KDM2B: variants seen among roughly 807,000 people sequenced by gnomAD.
KDM2B encodes the protein lysine demethylase 2B.
A neutral mutation model predicts 150.0 loss-of-function variants in KDM2B; 26 were observed. The ratio of observed to expected loss-of-function variants is 0.17; its 90% CI spans 0.13 to 0.24. The LOEUF is 0.24. Among genes scored for constraint, KDM2B ranks in the 10% least tolerant of loss-of-function variants. KDM2B has a pLI of 1.00. For missense variants in KDM2B, 1,265 were observed against 1,816.9 expected, an observed-to-expected ratio of 0.70 and a Z score of 5.52; for synonymous variants, 734 against 729.5, an observed-to-expected ratio of 1.01 and a Z score of -0.10.
chr12:121,543,161 C>T (rs1728369371), intron 6 of KDM2B, among the ~76,000 whole-genome samples: 1 of 151,964 alleles, frequency 6.6e-6, no homozygotes, highest in Non-Finnish European at 1.5e-5. Flanking sequence ...TCAAGACCAA[C>T]TTGGCCAACA....
rs782661846 is a variant in KDM2B at position 121,510,053 on chromosome 12, G to T, written c.1175-14C>A. On this transcript the variant is annotated splice_polypyrimidine_tract_variant and intron_variant, in intron 10 of 22. Transcript: ENST00000377071. ...TCCTCGGGGCATCTGTGGGGGCAGG[G>T]TCACAAGAAAGACCGAGATGACACC... 6.6e-7 allele frequency: 1 copy of T among 1,526,642 alleles called. No individual in the cohort carries two copies. Among genetic ancestry groups the T allele is most frequent in the Admixed American group, 2.1e-5 (1 of 46,866 alleles). 94.6% of individuals were successfully genotyped at this position (1,526,642 alleles called of 1,614,324 possible).
intron 12 of KDM2B, among the ~76,000 whole-genome samples, chr12:121,464,373 C>T (rs782058874): frequency 1.2e-4 from 18 of 152,220 alleles, no homozygotes; most frequent in Admixed American, 3.3e-4. Context: ...GAGAAGTTCC[C>T]GCCAAGGGTG....
intron 12 of KDM2B, among the ~76,000 whole-genome samples, chr12:121,459,949 C>T (rs1878862891): frequency 6.6e-6 from 1 of 151,762 alleles, no homozygotes; most frequent in Non-Finnish European, 1.5e-5. Flanking sequence ...TTAGAATATA[C>T]AAAGAACTCC....
chr12:121,460,532 C>T (rs782789590), intron 12 of KDM2B, among the ~76,000 whole-genome samples: 3 of 152,130 alleles, frequency 2.0e-5, no homozygotes, highest in Non-Finnish European at 2.9e-5. Flanking sequence ...CCTTAGTAGC[C>T]GAGATACAGG....
chr12:121,555,364 T>C (rs1485130381), intron 4 of KDM2B, among the ~76,000 whole-genome samples: 1 of 152,108 alleles, frequency 6.6e-6, no homozygotes, highest in Middle Eastern at 3.2e-3. Context: ...GAATAACTAG[T>C]CTGGGGTAAT....
intron 12 of KDM2B, among the ~76,000 whole-genome samples, chr12:121,472,202 C>A (rs180869162): frequency 4.6e-5 from 7 of 152,314 alleles, no homozygotes; most frequent in African/African-American, 1.4e-4. Context: ...ATTGAGAATG[C>A]GCGCTTCAGT....
At chr12:121,517,434 C>T (rs1437771528) in intron 9 of KDM2B, among the ~76,000 whole-genome samples, 1 of 151,754 alleles carries the variant, frequency 6.6e-6, no homozygotes, top group Non-Finnish European at 1.5e-5. Context: ...AGATAGGGGT[C>T]CCCACCTTGG....
intron 12 of KDM2B, among the ~76,000 whole-genome samples, chr12:121,465,617 T>C (rs1879782258): frequency 6.6e-6 from 1 of 152,132 alleles, no homozygotes; most frequent in African/African-American, 2.4e-5. Flanking sequence ...ACAATAAGTC[T>C]TGCAGTGTCA....
intron 8 of KDM2B, 92 bp downstream of exon 8, chr12:121,532,714 C>T: frequency 7.2e-7 from 1 of 1,384,348 alleles, no homozygotes; most frequent in Non-Finnish European, 1.0e-6. Flanking sequence ...CTGTCAAACC[C>T]ACCAGGCCCA....
intron 12 of KDM2B, among the ~76,000 whole-genome samples, chr12:121,488,797 G>C (rs1377541103): frequency 2.8e-5 from 4 of 145,402 alleles, no homozygotes; most frequent in African/African-American, 1.0e-4. Context: ...AATTTTTTTT[G>C]GTTTTTTGTT....
Position 121,457,739 on chromosome 12 carries a change from TACACACACACACACACACAC to T in KDM2B, c.1735-4415_1735-4396del, listed in dbSNP as rs138823282. ...TGAAAGGTTAGGAAGATCGGAAACA[TACACACACACACACACACAC>T]ACACACACACACACACAAATATCTT... On this transcript the variant is annotated intron_variant, in intron 12 of 22. Transcript: ENST00000377071. Among the ~76,000 whole-genome samples the T allele has an allele frequency of 3.4e-3, 499 of 145,094 alleles. 9 individuals are homozygous for T. The East Asian group carries it at 0.072, about 21-fold the overall frequency.
intron 6 of KDM2B, among the ~76,000 whole-genome samples, chr12:121,544,055 C>T (rs1888818756): frequency 7.1e-6 from 1 of 141,138 alleles, no homozygotes; most frequent in Admixed American, 7.5e-5. Flanking sequence ...GAGGAAGTTG[C>T]AACGACCCAC....
intron 7 of KDM2B, 137 bp downstream of exon 7, chr12:121,534,360 A>AC (rs1566387660): frequency 7.7e-6 from 5 of 647,914 alleles, no homozygotes; most frequent in Non-Finnish European, 1.4e-5. Context: ...AAAAAAAAAA[A>AC]AAAGAGTAAT....
intron 2 of KDM2B, among the ~76,000 whole-genome samples, chr12:121,578,200 T>C (rs2136669495): frequency 6.6e-6 from 1 of 152,212 alleles, no homozygotes; most frequent in South Asian, 2.1e-4. Context: ...CAGGTAGGGG[T>C]TCAGGTCAAC....
At chr12:121,527,134 G>T (rs1267742070) in intron 8 of KDM2B, among the ~76,000 whole-genome samples, 1 of 151,334 alleles carries the variant, frequency 6.6e-6, no homozygotes, top group Non-Finnish European at 1.5e-5. Context: ...TGCAAGCTCT[G>T]CCTCCCGGGT....
At chr12:121,494,552 G>A (rs1291104148) in intron 12 of KDM2B, 27 bp downstream of exon 12, 7 of 1,589,368 alleles carry the variant, frequency 4.4e-6, no homozygotes, top group African/African-American at 1.3e-5. Flanking sequence ...GGAAGCGGCC[G>A]CCCGCTGCAG....
intron 12 of KDM2B, among the ~76,000 whole-genome samples, chr12:121,456,650 G>A (rs1566287834): frequency 6.6e-6 from 1 of 152,168 alleles, no homozygotes; most frequent in East Asian, 1.9e-4. Context: ...TGGCCTCCCT[G>A]CCCCGAGGAC....
downstream of KDM2B, among the ~76,000 whole-genome samples, chr12:121,426,127 G>A (rs1872500545): frequency 6.6e-6 from 1 of 152,182 alleles, no homozygotes; most frequent in Non-Finnish European, 1.5e-5. Flanking sequence ...AAGCTAAGCA[G>A]TAGGTGCTGG....
chr12:121,423,927 A>G, the KDM2B span: 1 of 199,632 alleles, frequency 5.0e-6, no homozygotes, highest in Non-Finnish European at 1.0e-5. The surrounding 1 kb of genome is among the most constrained non-coding windows in gnomAD (Gnocchi z 4.3). Flanking sequence ...TTTAACTTAA[A>G]CTGCTCAGAT....
Sources: allele counts gnomAD v4.1 joint callset (sites outside exome capture counted in the v4.1 genomes callset), GRCh38; gene constraint gnomAD v4.1.1; non-coding constraint Gnocchi (gnomAD v3.1); transcripts MANE v1.5; gene names NCBI Gene and HGNC (gene_info 2026-07-23, HGNC 2026-07-21).